Variants in LRMDA observed in about 807,000 individuals in gnomAD.
LRMDA encodes the protein leucine rich melanocyte differentiation associated.
A neutral mutation model predicts 29.8 loss-of-function variants in LRMDA; 18 were observed. The observed-to-expected ratio is 0.60, with a 90% confidence interval of 0.42 to 0.90. The LOEUF (loss-of-function observed/expected upper bound fraction) is 0.90. Ranked by LOEUF, LRMDA falls within the 40% of genes least tolerant of loss-of-function variation. The pLI, the probability that LRMDA is intolerant of heterozygous loss-of-function variation, is 0.00. For synonymous variants in LRMDA, 125 were observed against 109.4 expected, an observed-to-expected ratio of 1.14 and a Z score of -0.89; for missense variants, 273 against 273.9, an observed-to-expected ratio of 1.00 and a Z score of 0.02.
At chr10:76,313,461 A>T (rs1178360286) in intron 5 of LRMDA, among the ~76,000 whole-genome samples, 2 of 152,234 alleles carry the variant, frequency 1.3e-5, no homozygotes, top group African/African-American at 4.8e-5. Flanking sequence ...TCAATAAGGC[A>T]TCAGAGCACA....
At chr10:75,957,117 A>G (rs1418453439) in intron 2 of LRMDA, among the ~76,000 whole-genome samples, 2 of 152,256 alleles carry the variant, frequency 1.3e-5, no homozygotes. Flanking sequence ...GAAACAATCC[A>G]TGAATGAGCG....
intron 6 of LRMDA, among the ~76,000 whole-genome samples, chr10:76,424,874 C>T (rs1282965017): frequency 1.3e-5 from 2 of 152,168 alleles, no homozygotes; most frequent in Admixed American, 6.5e-5. Context: ...TGTGCCTTGA[C>T]TAAAAAGCGC....
rs991852974 is a variant in LRMDA at position 76,499,666 on chromosome 10, C to T, written c.602-57543C>T. Reference sequence around the variant, plus strand: ...TAATCACAGTACAATGATCAAACATCGATACAATACTATTATCTCATCTAA... The same window carrying T: ...TAATCACAGTACAATGATCAAACATTGATACAATACTATTATCTCATCTAA... On this transcript the variant is annotated intron_variant, in intron 6 of 6. Coordinates refer to ENST00000611255, the MANE Select transcript of LRMDA (RefSeq NM_001305581.2). Among the ~76,000 whole-genome samples the T allele has an allele frequency of 1.1e-4, 8 of 74,374 alleles. 3 individuals carry two copies. Among genetic ancestry groups the T allele is most frequent in the South Asian group, 7.1e-4 (2 of 2,812 alleles). The allele number at this position is 74,374 out of a possible 152,430, so 48.8% of individuals were successfully genotyped here.
chr10:76,482,916 T>G (rs566272411), intron 6 of LRMDA, among the ~76,000 whole-genome samples: 12 of 151,592 alleles, frequency 7.9e-5, no homozygotes, highest in Non-Finnish European at 1.6e-4. Flanking sequence ...TTGCTCATTT[T>G]TGGCATAATG....
rs1243274270 is a variant in LRMDA at position 76,211,459 on chromosome 10, C to A, written c.517-112942C>A. 5.3e-5 allele frequency among the ~76,000 whole-genome samples: 8 copies of A among 152,218 alleles called. No individual in the cohort carries two copies. The East Asian group carries it at 1.5e-3, about 29-fold the overall frequency. ...ATAGGTGACTACTCAAGAAGTCTTA[C>A]TACACATCCAATAGCATTTGACAGG... On this transcript the variant is annotated intron_variant, in intron 5 of 6. Transcript: ENST00000611255.
At chr10:76,433,559 T>C (rs971257042) in intron 6 of LRMDA, among the ~76,000 whole-genome samples, 2 of 152,142 alleles carry the variant, frequency 1.3e-5, no homozygotes, top group Admixed American at 6.5e-5. Flanking sequence ...GCCTGTCACT[T>C]TGTGGCTGCC....
rs573213496 is a variant in LRMDA, at chr10:75,772,443, G to C, written c.132-263565G>C. ...GTGAAACGCCACATCTTTTGCAGAA[G>C]TTTCGGTTTCATTTTGCAGTTGCTT... is the stretch of plus-strand genomic sequence containing the variant. On this transcript the variant is annotated intron_variant, in intron 2 of 6. Coordinates refer to ENST00000611255, the MANE Select transcript of LRMDA (RefSeq NM_001305581.2). 3.3e-5 allele frequency among the ~76,000 whole-genome samples: 5 copies of C among 152,264 alleles called. No homozygotes were observed. The South Asian group carries it at 1.0e-3, about 32-fold the overall frequency.
intron 5 of LRMDA, among the ~76,000 whole-genome samples, chr10:76,081,390 C>A (rs1849047040): frequency 6.6e-6 from 1 of 152,104 alleles, no homozygotes; most frequent in Non-Finnish European, 1.5e-5. Context: ...GAGGTTGAGG[C>A]TGCAGTGAGC....
chr10:75,663,060 G>T (rs1841775262), intron 2 of LRMDA, among the ~76,000 whole-genome samples: 1 of 152,164 alleles, frequency 6.6e-6, no homozygotes, highest in South Asian at 2.1e-4. Context: ...TTGTGTTTAT[G>T]CTTTTCTCTC....
chr10:76,169,768 A>C (rs1001951773), intron 5 of LRMDA, among the ~76,000 whole-genome samples: 2 of 152,196 alleles, frequency 1.3e-5, no homozygotes, highest in Admixed American at 1.3e-4. Flanking sequence ...CAAGGGTTTA[A>C]AAGCTAGTGA....
chr10:75,546,336 T>A (rs1180712742), intron 2 of LRMDA, among the ~76,000 whole-genome samples: 1 of 152,162 alleles, frequency 6.6e-6, no homozygotes, highest in Non-Finnish European at 1.5e-5. Flanking sequence ...TGAAGAATGT[T>A]TAATGGTAGA....
intron 6 of LRMDA, among the ~76,000 whole-genome samples, chr10:76,501,624 G>T (rs1198883253): frequency 6.6e-6 from 1 of 151,908 alleles, no homozygotes; most frequent in Non-Finnish European, 1.5e-5. Context: ...GATTAGTGAT[G>T]ATGAGGATTT....
chr10:75,770,785 C>T (rs528288269), intron 2 of LRMDA, among the ~76,000 whole-genome samples: 1 of 152,224 alleles, frequency 6.6e-6, no homozygotes, highest in African/African-American at 2.4e-5. Flanking sequence ...TTGCTCGGGT[C>T]TCATGCCACG....
At chr10:76,221,053 G>A (rs550121411) in intron 5 of LRMDA, among the ~76,000 whole-genome samples, 17 of 151,362 alleles carry the variant, frequency 1.1e-4, no homozygotes, top group African/African-American at 3.2e-4. Context: ...CAGAAAAGGC[G>A]TTTGACAAAA....
chr10:75,921,241 T>C (rs1287739962), intron 2 of LRMDA, among the ~76,000 whole-genome samples: 1 of 152,194 alleles, frequency 6.6e-6, no homozygotes, highest in African/African-American at 2.4e-5. Context: ...CTACTTTGTA[T>C]TGGGTAGTGT....
chr10:76,360,084 G>A (rs1457164206), intron 6 of LRMDA, among the ~76,000 whole-genome samples: 2 of 152,024 alleles, frequency 1.3e-5, no homozygotes, highest in African/African-American at 4.8e-5. Context: ...AACCTCCCGG[G>A]TTCAAGTGAT....
chr10:76,143,154 G>A (rs530744944), intron 5 of LRMDA, among the ~76,000 whole-genome samples: 23 of 152,214 alleles, frequency 1.5e-4, no homozygotes, highest in East Asian at 9.7e-4. Flanking sequence ...GTAAACATAC[G>A]TGTGCATGTG....
intron 6 of LRMDA, among the ~76,000 whole-genome samples, chr10:76,518,010 G>C (rs1843079218): frequency 6.6e-6 from 1 of 150,490 alleles, no homozygotes. Context: ...TACAAATTCC[G>C]AAGTAATATG....
chr10:75,821,303 A>C (rs1436311767), intron 2 of LRMDA, among the ~76,000 whole-genome samples: 2 of 152,244 alleles, frequency 1.3e-5, no homozygotes, highest in African/African-American at 4.8e-5. Flanking sequence ...GCACATAAAA[A>C]AGATAGTATA....
Sources: allele counts gnomAD v4.1 joint callset (sites outside exome capture counted in the v4.1 genomes callset), GRCh38; gene constraint gnomAD v4.1.1; transcripts MANE v1.5; gene names NCBI Gene and HGNC (gene_info 2026-07-23, HGNC 2026-07-21).